The following EEA1 variants were observed in gnomAD, a reference collection of about 807,000 sequenced individuals.
EEA1 encodes early endosome antigen 1, 162kD.
Under a neutral mutation model 209.2 loss-of-function variants are expected in EEA1, and 111 were observed. That is an observed-to-expected ratio of 0.53 (90% CI 0.45 to 0.62). EEA1 has a LOEUF of 0.62. Ranked by LOEUF, EEA1 falls within the 20% of genes least tolerant of loss-of-function variation. EEA1 has a pLI of 0.00. For synonymous variants in EEA1, 536 were observed against 540.6 expected (o/e 0.99, Z 0.12); for missense variants, 1,343 against 1,530.8 (o/e 0.88, Z 2.05).
intron 2 of EEA1, chr12:92,883,717 T>C: frequency 1.0e-6 from 1 of 964,748 alleles, no homozygotes; most frequent in Admixed American, 2.1e-5. Context: ...CTTGTTCTTT[T>C]CTGCCCGCGG....
chr12:92,795,479 T>C (rs1874618619), intron 21 of EEA1, among the ~76,000 whole-genome samples: 1 of 152,184 alleles, frequency 6.6e-6, no homozygotes, highest in South Asian at 2.1e-4. Flanking sequence ...AATAAGTGCC[T>C]AGTAATATTT....
intron 2 of EEA1, among the ~76,000 whole-genome samples, chr12:92,875,084 GAATACAATGATAAAT>G (rs1269701756): frequency 6.6e-6 from 1 of 152,116 alleles, no homozygotes; most frequent in African/African-American, 2.4e-5. Flanking sequence ...ATGGTGCTAA[GAATACAATGATAAAT>G]AAGACAAGGT....
At chr12:92,820,257 A>T (rs1875981633) in intron 13 of EEA1, among the ~76,000 whole-genome samples, 1 of 152,158 alleles carries the variant, frequency 6.6e-6, no homozygotes, top group Admixed American at 6.5e-5. Flanking sequence ...TCAATACCCC[A>T]AAAGAACTCT....
chr12:92,801,657 C>T lies in EEA1; in HGVS notation c.2715G>A (p.Met905Ile). Residue 905 changes from methionine to isoleucine, a missense_variant, in exon 20 of 29, where the codon ATG (methionine) becomes ATA (isoleucine). Met to Ile is a conservative substitution (Grantham distance 10). This residue lies in a region of EEA1 where 1,307 missense variants were observed against 1,465.5 expected (regional missense o/e 0.89). Coordinates refer to ENST00000322349, the MANE Select transcript of EEA1 (RefSeq NM_003566.4). ...KELKHQLQVQMENTLKEQKEL... is the reference protein window; with the variant it reads ...KELKHQLQVQIENTLKEQKEL... Reference sequence around the variant, plus strand: ...CCTTCTGTTCCTTAAGTGTGTTTTCCATCTGCACTTGAAGTTGATGCTTTA... The same window carrying T: ...CCTTCTGTTCCTTAAGTGTGTTTTCTATCTGCACTTGAAGTTGATGCTTTA... 1.3e-6 allele frequency: 2 copies of T among 1,596,706 alleles called. No individual in the cohort carries two copies. The highest frequency in any genetic ancestry group is 1.2e-5 in the South Asian group (1 of 86,834).
chr12:92,897,466 G>C (rs1470159179), intron 1 of EEA1, among the ~76,000 whole-genome samples: 3 of 152,234 alleles, frequency 2.0e-5, no homozygotes, highest in Admixed American at 2.0e-4. Flanking sequence ...TGAGCGTGAA[G>C]TGGCTAATCA....
At chr12:92,872,005 C>G (rs946280452) in intron 2 of EEA1, among the ~76,000 whole-genome samples, 1 of 151,716 alleles carries the variant, frequency 6.6e-6, no homozygotes. Flanking sequence ...CTCAGCCTCC[C>G]GAGTAGCTGG....
At chr12:92,787,844 T>G in intron 22 of EEA1, 23 bp downstream of exon 22, 1 of 1,466,020 alleles carries the variant, frequency 6.8e-7, no homozygotes, top group Non-Finnish European at 9.0e-7. Context: ...TGAGACTTTA[T>G]GGTACAGTAT....
At chr12:92,911,967 C>T (rs1466233330) in intron 1 of EEA1, among the ~76,000 whole-genome samples, 1 of 152,140 alleles carries the variant, frequency 6.6e-6, no homozygotes, top group East Asian at 1.9e-4. Context: ...TCCTGCCTTC[C>T]AAGTATGCAC....
chr12:92,854,545 G>A (rs1383106406), intron 5 of EEA1, among the ~76,000 whole-genome samples: 1 of 152,150 alleles, frequency 6.6e-6, no homozygotes, highest in Non-Finnish European at 1.5e-5. Context: ...TCAACTACTG[G>A]ACTTCAAAAT....
intron 2 of EEA1, among the ~76,000 whole-genome samples, chr12:92,882,708 A>G (rs1879201691): frequency 6.6e-6 from 1 of 152,192 alleles, no homozygotes; most frequent in African/African-American, 2.4e-5. Flanking sequence ...TGCTTGGGAT[A>G]ATAGCCTCTA....
chr12:92,871,886 T>C (rs1196943459), intron 2 of EEA1, among the ~76,000 whole-genome samples: 1 of 152,140 alleles, frequency 6.6e-6, no homozygotes, highest in African/African-American at 2.4e-5. Context: ...GCTTTTATTT[T>C]ATTTATTTAT....
chr12:92,785,138 T>C (rs1874074971), intron 22 of EEA1, among the ~76,000 whole-genome samples: 1 of 152,196 alleles, frequency 6.6e-6, no homozygotes, highest in African/African-American at 2.4e-5. Context: ...TCTATTATCC[T>C]AGAATTTTCA....
chr12:92,913,407 C>A (rs149936330), intron 1 of EEA1, among the ~76,000 whole-genome samples: 3 of 152,092 alleles, frequency 2.0e-5, no homozygotes, highest in African/African-American at 4.8e-5. Flanking sequence ...TTTCTTGTTG[C>A]GTTCCATGTA....
At chr12:92,880,389 C>CA (rs1376693856) in intron 2 of EEA1, among the ~76,000 whole-genome samples, 1 of 152,172 alleles carries the variant, frequency 6.6e-6, no homozygotes. Flanking sequence ...ACCGCAGCCT[C>CA]CACCTCACAG....
chr12:92,878,820 C>G (rs1879020172), intron 2 of EEA1, among the ~76,000 whole-genome samples: 1 of 152,100 alleles, frequency 6.6e-6, no homozygotes, highest in Non-Finnish European at 1.5e-5. Context: ...ACTACAGATG[C>G]TATAGACATT....
intron 18 of EEA1, among the ~76,000 whole-genome samples, chr12:92,804,824 G>A (rs1457150188): frequency 2.0e-5 from 3 of 152,120 alleles, no homozygotes; most frequent in Non-Finnish European, 4.4e-5. Context: ...GGGCTCATGG[G>A]TGGGGTTTAG....
chr12:92,841,303 C>T (rs919970365), intron 10 of EEA1, among the ~76,000 whole-genome samples: 2 of 152,004 alleles, frequency 1.3e-5, no homozygotes, highest in South Asian at 2.1e-4. Context: ...ATACTATATA[C>T]AAAATTAAAT....
Position 92,929,242 on chromosome 12 carries a change from A to T in EEA1, c.-176T>A. ...CCCCGACTTCCCCACAGGCGGCGAG[A>T]GGGAGCACGCGAGAGAGAGCGAGCG... On this transcript the variant is annotated 5_prime_UTR_variant, in exon 1 of 29. Coordinates refer to ENST00000322349, the MANE Select transcript of EEA1 (RefSeq NM_003566.4). 17 of 381,920 alleles carry T rather than the reference A, an allele frequency of 4.5e-5. No individual in the cohort carries two copies. The highest frequency in any genetic ancestry group is 1.2e-4 in the East Asian group (2 of 16,124). The allele number at this position is 381,920 out of a possible 1,614,324, so 23.7% of individuals were successfully genotyped here.
chr12:92,829,024 A>G (rs1179045943), intron 11 of EEA1, among the ~76,000 whole-genome samples: 1 of 152,228 alleles, frequency 6.6e-6, no homozygotes, highest in Non-Finnish European at 1.5e-5. Flanking sequence ...AATTCTCATA[A>G]TCTTTGGTAT....
Sources: gnomAD v4.1 joint callset for allele counts (sites outside exome capture counted in the v4.1 genomes callset) on GRCh38, gnomAD v4.1.1 for gene constraint, gnomAD v4.1.1 regional missense constraint, MANE v1.5 for transcripts, NCBI Gene and HGNC (gene_info 2026-07-23, HGNC 2026-07-21) for gene names.